Variants in CLEC4E observed in about 807,000 individuals in gnomAD.
The protein encoded by CLEC4E is C-type lectin domain family 4 member E.
In CLEC4E, 21 loss-of-function variants were observed where a neutral mutation model predicts 24.7. That is an observed-to-expected ratio of 0.85 (90% CI 0.60 to 1.22). CLEC4E has a LOEUF of 1.22. Ranked by LOEUF, CLEC4E falls within the 50% of genes most tolerant of loss-of-function variation. CLEC4E has a pLI of 0.00. For missense variants in CLEC4E, 249 were observed against 254.1 expected, an observed-to-expected ratio of 0.98 and a Z score of 0.14; for synonymous variants, 94 against 85.7, an observed-to-expected ratio of 1.10 and a Z score of -0.54.
chr12:8,539,771 A>AAG (rs1940671584), intron 2 of CLEC4E, 84 bp downstream of exon 2: 1 of 855,554 alleles, frequency 1.2e-6, no homozygotes, highest in African/African-American at 1.7e-5. Context: ...TTTGAGGGCA[A>AAG]AGAGAGTCTA....
In CLEC4E at chr12:8,533,437, A is replaced by G. The variant is rs1940571692; in HGVS notation, c.*1201T>C. On this transcript the variant is annotated 3_prime_UTR_variant, in exon 6 of 6. Coordinates refer to ENST00000299663, the MANE Select transcript of CLEC4E (RefSeq NM_014358.4). ...CAGCACTATTCACAATAGCAAAAACATGGAATCAATCTAAATGTGAGTCAA... is the reference window on the plus strand; with the variant it reads ...CAGCACTATTCACAATAGCAAAAACGTGGAATCAATCTAAATGTGAGTCAA... 1 of 152,246 alleles carries G rather than the reference A, an allele frequency of 6.6e-6. No individual in the cohort carries two copies. Among genetic ancestry groups the G allele is most frequent in the South Asian group, 2.1e-4 (1 of 4,834 alleles). 9.4% of individuals were successfully genotyped at this position (152,246 alleles called of 1,614,324 possible). A position where few individuals can be genotyped will look rare whatever the true frequency, so the allele number is the denominator to read the frequency against.
In CLEC4E at chr12:8,539,258, G is replaced by C; in HGVS notation, c.179C>G (p.Pro60Arg). 1 of 1,613,344 alleles carries C rather than the reference G, an allele frequency of 6.2e-7. No homozygotes were observed. The highest frequency in any genetic ancestry group is 8.5e-7 in the Non-Finnish European group (1 of 1,179,474). The change falls in exon 3 of 6, where the codon CCT becomes CGT. Residue 60 changes from proline (P) to arginine (R), a missense_variant. Pro to Arg is a moderately radical substitution (Grantham distance 103, BLOSUM62 -2). Coordinates refer to ENST00000299663, the MANE Select transcript of CLEC4E (RefSeq NM_014358.4). ...QTCDEKKFQL[P>R]ENFTELSCYN... ...GCAGGAGAGCTCTGTGAAATTCTCA[G>C]GTAGCTGAAACTTTTTCTCATCACA...
intron 1 of CLEC4E, 28 bp from the exon 2 acceptor site, chr12:8,539,975 C>G (rs749205687): frequency 7.5e-7 from 1 of 1,341,916 alleles, no homozygotes; most frequent in African/African-American, 1.4e-5. Context: ...CAAACATGAT[C>G]AATCTTCCCT....
chr12:8,539,243 T>C lies in CLEC4E; in HGVS notation c.194A>G (p.Glu65Gly), dbSNP rs1191948260. The change falls in exon 3 of 6, where the codon GAG (glutamate) becomes GGG (glycine). Residue 65 changes from glutamate to glycine, a missense_variant. Glu to Gly is a moderately conservative substitution (Grantham distance 98). Coordinates refer to ENST00000299663, the MANE Select transcript of CLEC4E (RefSeq NM_014358.4). ...KKFQLPENFT[E>G]LSCYNYGSGS... is the part of the protein sequence containing the mutation. ...TGATCCATAATTGTAGCAGGAGAGC[T>C]CTGTGAAATTCTCAGGTAGCTGAAA... The C allele has an allele frequency of 4.3e-6, 7 of 1,612,338 alleles. No homozygotes were observed. Among genetic ancestry groups the C allele is most frequent in the Non-Finnish European group, 5.9e-6 (7 of 1,178,600 alleles).
At position 8,536,145 on chromosome 12, in the gene CLEC4E, C is replaced by CCTCGACAA. The variant is rs752394221; in HGVS notation, c.432_433insTTGTCGAG (p.Val145LeufsTer17). On this transcript the variant is annotated frameshift_variant, in exon 5 of 6. Transcript: ENST00000299663. LOFTEE classifies it high-confidence loss of function. The stretch of plus-strand genomic sequence containing the variant: ...ACCCATTGCCACTGACCCTCGACAA[C>CCTCGACAA]CTGGTCTGACAGTCCAATAAAAAAC... The CCTCGACAA allele has an allele frequency of 1.2e-6, 2 of 1,613,460 alleles. No individual in the cohort carries two copies. Among genetic ancestry groups the CCTCGACAA allele is most frequent in the African/African-American group, 2.7e-5 (2 of 74,876 alleles).
At chr12:8,540,053 T>C (rs1343317224) in intron 1 of CLEC4E, 106 bp from the exon 2 acceptor site, 2 of 775,712 alleles carry the variant, frequency 2.6e-6, no homozygotes, top group Non-Finnish European at 4.5e-6. Context: ...ACTTCCATTG[T>C]TTGTACTGAG....
intron 1 of CLEC4E, 79 bp downstream of exon 1, chr12:8,540,682 A>G (rs1437160070): frequency 2.6e-5 from 33 of 1,265,278 alleles, no homozygotes; most frequent in Admixed American, 6.9e-5. Context: ...ATACTTTTCT[A>G]TTGTCCTGTC....
In CLEC4E at chr12:8,534,613, C is replaced by T; in HGVS notation, c.*25G>A. The stretch of plus-strand genomic sequence containing the variant: ...CCATGTTCTTGCTCTTCCTTCTTTA[C>T]ACATTTGAGTTGTGCCTTCTGTTCT... On this transcript the variant is annotated 3_prime_UTR_variant, in exon 6 of 6. Coordinates refer to ENST00000299663, the MANE Select transcript of CLEC4E (RefSeq NM_014358.4). 6.3e-7 allele frequency: 1 copy of T among 1,589,214 alleles called. No homozygotes were observed. Among genetic ancestry groups the T allele is most frequent in the Non-Finnish European group, 8.6e-7 (1 of 1,163,538 alleles).
intron 3 of CLEC4E, 170 bp downstream of exon 3, chr12:8,539,047 C>G: frequency 1.8e-6 from 1 of 546,956 alleles, no homozygotes; most frequent in Admixed American, 3.5e-5. Context: ...ATAATGTCCC[C>G]AAGACTTTCT....
At chr12:8,538,513 A>G (rs1213831953) in intron 3 of CLEC4E, among the ~76,000 whole-genome samples, 2 of 152,152 alleles carry the variant, frequency 1.3e-5, no homozygotes, top group Non-Finnish European at 2.9e-5. Context: ...TTCACCTTGT[A>G]TCCAATAAAT....
At chr12:8,537,669 T>G (rs1940632793) in intron 3 of CLEC4E, among the ~76,000 whole-genome samples, 1 of 152,110 alleles carries the variant, frequency 6.6e-6, no homozygotes. Flanking sequence ...CATACTGTAG[T>G]ATATAGATGG....
At chr12:8,539,741 A>G (rs750350672) in intron 2 of CLEC4E, 114 bp downstream of exon 2, 84 of 686,080 alleles carry the variant, frequency 1.2e-4, no homozygotes, top group East Asian at 7.8e-4. Context: ...GAAAAAAAAA[A>G]GGGTGAAATA....
chr12:8,537,350 A>G, intron 3 of CLEC4E, 84 bp from the exon 4 acceptor site: 1 of 1,313,880 alleles, frequency 7.6e-7, no homozygotes, highest in Middle Eastern at 1.9e-4. Flanking sequence ...TGGAGTCCTC[A>G]TTTAAGTCAG....
chr12:8,538,112 A>C (rs369119427), intron 3 of CLEC4E, among the ~76,000 whole-genome samples: 1 of 152,206 alleles, frequency 6.6e-6, no homozygotes, highest in Non-Finnish European at 1.5e-5. Flanking sequence ...AGCAGACAGG[A>C]AAAGGGAGTC....
Position 8,534,804 on chromosome 12 carries a change from C to T in CLEC4E, c.494G>A (p.Trp165Ter). ...GTPLTKSLSF[W>*]DVGEPNNIAT... ...TATGTTGTTGGGCTCCCCTACATCC[C>T]AGAAGCTGAAAAAGAATGACATAGG... Residue 165 changes from tryptophan (W) to a stop codon, truncating the protein, a stop_gained, in exon 6 of 6, where the codon TGG (tryptophan) becomes TAG (stop). Transcript: ENST00000299663. LOFTEE classifies it low-confidence loss of function (END_TRUNC). The T allele has an allele frequency of 6.2e-7, 1 of 1,610,596 alleles. No homozygotes were observed. The highest frequency in any genetic ancestry group is 8.5e-7 in the Non-Finnish European group (1 of 1,178,858).
chr12:8,538,234 G>A (rs111474222), intron 3 of CLEC4E, among the ~76,000 whole-genome samples: 211 of 152,344 alleles, frequency 1.4e-3, no homozygotes, highest in African/African-American at 4.9e-3. Flanking sequence ...GTCTCCCTGT[G>A]ATGCTGTGCT....
intron 3 of CLEC4E, among the ~76,000 whole-genome samples, chr12:8,537,913 G>A (rs1011762705): frequency 6.6e-6 from 1 of 152,198 alleles, no homozygotes; most frequent in African/African-American, 2.4e-5. Context: ...ACAGAGCTAC[G>A]AGCTGAGGGG....
intron 5 of CLEC4E, among the ~76,000 whole-genome samples, chr12:8,535,727 G>T (rs772195486): frequency 6.9e-4 from 105 of 152,140 alleles, no homozygotes; most frequent in Non-Finnish European, 1.2e-3. Context: ...CTATTATTAA[G>T]GAGAAAAGAG....
rs1291512013 is a variant in CLEC4E, at chr12:8,534,051, T to C, written c.*587A>G. On this transcript the variant is annotated 3_prime_UTR_variant, in exon 6 of 6. Transcript: ENST00000299663. Reference sequence around the variant, plus strand: ...TTGGTTACAGCCTGTTTGGAGCTGATGGCTGGCATGCCCTTCCCTAAGAAG... The same window carrying C: ...TTGGTTACAGCCTGTTTGGAGCTGACGGCTGGCATGCCCTTCCCTAAGAAG... 2 of 152,312 alleles carry C rather than the reference T, an allele frequency of 1.3e-5. No homozygotes were observed. The highest frequency in any genetic ancestry group is 2.9e-5 in the Non-Finnish European group (2 of 68,114). 9.4% of individuals were successfully genotyped at this position (152,312 alleles called of 1,614,324 possible). A position where few individuals can be genotyped will look rare whatever the true frequency, so the allele number is the denominator to read the frequency against.
Sources: allele counts gnomAD v4.1 joint callset (sites outside exome capture counted in the v4.1 genomes callset), GRCh38; gene constraint gnomAD v4.1.1; transcripts MANE v1.5; gene names NCBI Gene and HGNC (gene_info 2026-07-23, HGNC 2026-07-21).